PITPNC1: variants seen among roughly 807,000 people sequenced by gnomAD.
PITPNC1 encodes the protein cytoplasmic phosphatidylinositol transfer protein 1.
Under a neutral mutation model 44.7 loss-of-function variants are expected in PITPNC1, and 18 were observed. That is an observed-to-expected ratio of 0.40 (90% CI 0.28 to 0.60). PITPNC1 has a LOEUF of 0.60. PITPNC1 is among the 20% of genes least tolerant of loss of function. The probability of loss-of-function intolerance (pLI) is 0.39; values close to 1 mark genes in which losing one functional copy is unlikely to be tolerated. For synonymous variants in PITPNC1, 141 were observed against 149.6 expected (o/e 0.94, Z 0.42); for missense variants, 290 against 418.4 (o/e 0.69, Z 2.68).
intron 6 of PITPNC1, among the ~76,000 whole-genome samples, chr17:67,643,170 C>T (rs1219445634): frequency 6.6e-6 from 1 of 152,176 alleles, no homozygotes; most frequent in Non-Finnish European, 1.5e-5. Context: ...GACGCCAAGG[C>T]AGGCAGATCA....
chr17:67,500,343 G>A lies in PITPNC1; in HGVS notation c.49-32459G>A, dbSNP rs75597558. Among the ~76,000 whole-genome samples, 355 of 152,266 alleles carry A rather than the reference G, an allele frequency of 2.3e-3. 3 individuals are homozygous for A. The highest frequency in any genetic ancestry group is 7.5e-3 in the African/African-American group (312 of 41,554). ...AAAAAGGTATGAAATTCTGATATAT[G>A]CTACAACATGGATGGACCATGAAAA... On this transcript the variant is annotated intron_variant, in intron 1 of 8. Coordinates refer to ENST00000581322, the MANE Select transcript of PITPNC1 (RefSeq NM_012417.4).
At position 67,696,429 on chromosome 17, in the gene PITPNC1, G is replaced by C. The variant is rs1288772857; in HGVS notation, c.*3541G>C. On this transcript the variant is annotated 3_prime_UTR_variant, in exon 9 of 9. Transcript: ENST00000581322. ...ACGTCGATAGGAATTTTACTCTTAA[G>C]AAGGGCCAGTGTATAGCTGACTCTA... 1.3e-5 allele frequency: 2 copies of C among 152,186 alleles called. No individual in the cohort carries two copies. The highest frequency in any genetic ancestry group is 4.8e-5 in the African/African-American group (2 of 41,442). The allele number at this position is 152,186 out of a possible 1,614,324, so 9.4% of individuals were successfully genotyped here. A position where few individuals can be genotyped will look rare whatever the true frequency, so the allele number is the denominator to read the frequency against.
chr17:67,425,203 G>GCACACACACACACACACACA lies in PITPNC1; in HGVS notation c.48+47042_48+47061dup, dbSNP rs60705271. ...CCATGTTGTGCGCGCGCACGCACAC[G>GCACACACACACACACACACA]CACACACACACACACACACACACAC... On this transcript the variant is annotated intron_variant, in intron 1 of 8. Coordinates refer to ENST00000581322, the MANE Select transcript of PITPNC1 (RefSeq NM_012417.4). Among the ~76,000 whole-genome samples the GCACACACACACACACACACA allele has an allele frequency of 1.4e-3, 143 of 98,800 alleles. 4 individuals are homozygous for GCACACACACACACACACACA. Among genetic ancestry groups the GCACACACACACACACACACA allele is most frequent in the East Asian group, 7.6e-3 (21 of 2,756 alleles). 64.8% of individuals were successfully genotyped at this position (98,800 alleles called of 152,430 possible). A position where few individuals can be genotyped will look rare whatever the true frequency, so the allele number is the denominator to read the frequency against.
chr17:67,618,575 AC>A (rs1308698730), intron 5 of PITPNC1, among the ~76,000 whole-genome samples: 1 of 151,170 alleles, frequency 6.6e-6, no homozygotes, highest in Non-Finnish European at 1.5e-5. Flanking sequence ...ACATGGTGAA[AC>A]CCCGGCTCTA....
intron 1 of PITPNC1, among the ~76,000 whole-genome samples, chr17:67,528,620 A>T (rs2040420690): frequency 6.6e-6 from 1 of 152,190 alleles, no homozygotes; most frequent in South Asian, 2.1e-4. Context: ...GAAAAAAGAA[A>T]CAAGCGTCCT....
intron 1 of PITPNC1, among the ~76,000 whole-genome samples, chr17:67,454,788 A>G (rs906139639): frequency 2.6e-5 from 4 of 151,780 alleles, no homozygotes; most frequent in African/African-American, 7.3e-5. Context: ...AATTGTGTAC[A>G]TAATACACAT....
At chr17:67,608,219 T>C (rs982717657) in intron 5 of PITPNC1, among the ~76,000 whole-genome samples, 1 of 142,588 alleles carries the variant, frequency 7.0e-6, no homozygotes, top group Non-Finnish European at 1.5e-5. Flanking sequence ...CTTTAAGAAA[T>C]TACTAAATGT....
chr17:67,404,267 T>A (rs2038364897), intron 1 of PITPNC1, among the ~76,000 whole-genome samples: 1 of 152,232 alleles, frequency 6.6e-6, no homozygotes, highest in Non-Finnish European at 1.5e-5. Context: ...GGAAAATGAC[T>A]GTTCAAGTTA....
At chr17:67,687,075 T>C (rs751673921) in intron 8 of PITPNC1, 2 of 1,599,404 alleles carry the variant, frequency 1.3e-6, no homozygotes, top group Non-Finnish European at 1.7e-6. Flanking sequence ...GATATGACAA[T>C]GGATGATGTT....
At chr17:67,679,742 G>A (rs2042669033) in intron 8 of PITPNC1, among the ~76,000 whole-genome samples, 1 of 152,224 alleles carries the variant, frequency 6.6e-6, no homozygotes, top group African/African-American at 2.4e-5. Flanking sequence ...GCCGTGATTG[G>A]TCTTTATCCA....
intron 1 of PITPNC1, among the ~76,000 whole-genome samples, chr17:67,427,131 C>G (rs2038778122): frequency 6.6e-6 from 1 of 152,112 alleles, no homozygotes; most frequent in South Asian, 2.1e-4. Flanking sequence ...GGAATGAGTT[C>G]ATACTAATAG....
chr17:67,561,086 T>C (rs2040900687), intron 4 of PITPNC1, among the ~76,000 whole-genome samples: 1 of 152,242 alleles, frequency 6.6e-6, no homozygotes, highest in Non-Finnish European at 1.5e-5. Flanking sequence ...GGAAAGATTT[T>C]GTGAGCAGAT....
intron 1 of PITPNC1, among the ~76,000 whole-genome samples, chr17:67,398,093 C>CA (rs534488396): frequency 0.011 from 1,079 of 97,706 alleles, 16 homozygotes; most frequent in Admixed American, 0.039. Context: ...ACTCCGTCTC[C>CA]AAAAAAAAAA....
At chr17:67,472,320 C>G (rs2039549214) in intron 1 of PITPNC1, among the ~76,000 whole-genome samples, 1 of 102,840 alleles carries the variant, frequency 9.7e-6, no homozygotes, top group Admixed American at 1.4e-4. Context: ...AACACTATGA[C>G]AGCTGTTGAG....
At chr17:67,677,736 T>A (rs2042628778) in intron 8 of PITPNC1, among the ~76,000 whole-genome samples, 2 of 151,754 alleles carry the variant, frequency 1.3e-5, no homozygotes, top group South Asian at 4.2e-4. Context: ...GCCCTGCTAA[T>A]TTTTTTTGTC....
intron 4 of PITPNC1, among the ~76,000 whole-genome samples, chr17:67,574,726 G>C (rs1274281683): frequency 6.6e-6 from 1 of 152,112 alleles, no homozygotes; most frequent in Non-Finnish European, 1.5e-5. Context: ...AGATAATTCT[G>C]ATTTTAACTC....
chr17:67,491,840 A>G (rs906654492), intron 1 of PITPNC1, among the ~76,000 whole-genome samples: 4 of 152,102 alleles, frequency 2.6e-5, no homozygotes, highest in African/African-American at 7.2e-5. Flanking sequence ...CAAAACAACG[A>G]CAAAACCAAA....
chr17:67,394,746 T>C (rs534683641), intron 1 of PITPNC1, among the ~76,000 whole-genome samples: 9 of 152,080 alleles, frequency 5.9e-5, no homozygotes, highest in Non-Finnish European at 1.2e-4. Context: ...TACAAAATAT[T>C]AGCCAGGCGT....
At chr17:67,481,480 C>T (rs1298087458) in intron 1 of PITPNC1, among the ~76,000 whole-genome samples, 1 of 152,122 alleles carries the variant, frequency 6.6e-6, no homozygotes, top group Admixed American at 6.5e-5. Context: ...GGACAGCTTT[C>T]GGTCTCTGCT....
Sources: allele counts gnomAD v4.1 joint callset (sites outside exome capture counted in the v4.1 genomes callset), GRCh38; gene constraint gnomAD v4.1.1; transcripts MANE v1.5; gene names NCBI Gene and HGNC (gene_info 2026-07-23, HGNC 2026-07-21).